GFM2: variants seen among roughly 807,000 people sequenced by gnomAD.
GFM2 encodes ribosome-releasing factor 2, mitochondrial.
GFM2 carries 72 observed loss-of-function variants against 95.4 expected under a neutral mutation model. The observed-to-expected ratio is 0.76, with a 90% CI of 0.62 to 0.92. The LOEUF is 0.92. Among genes scored for constraint, GFM2 ranks in the 40% least tolerant of loss-of-function variants. The pLI, the probability that GFM2 is intolerant of heterozygous loss-of-function variation, is 0.00. For synonymous variants in GFM2, 276 were observed against 317.5 expected, an observed-to-expected ratio of 0.87 and a Z score of 1.39; for missense variants, 825 against 924.1, an observed-to-expected ratio of 0.89 and a Z score of 1.39.
At chr5:74,725,787 T>A (rs778603093) in intron 18 of GFM2, 32 bp from the exon 19 acceptor site, 18 of 1,525,522 alleles carry the variant, frequency 1.2e-5, no homozygotes, top group Non-Finnish European at 1.6e-5. Context: ...TATCATACTC[T>A]GCTAGATGTG....
chr5:74,736,282 T>G, intron 15 of GFM2: 1 of 663,486 alleles, frequency 1.5e-6, no homozygotes, highest in Non-Finnish European at 1.9e-6. Flanking sequence ...CACTAAAGAG[T>G]TTGGGTGTGT....
intron 2 of GFM2, among the ~76,000 whole-genome samples, chr5:74,761,440 C>A (rs1744278558): frequency 6.6e-6 from 1 of 152,184 alleles, no homozygotes; most frequent in South Asian, 2.1e-4. Flanking sequence ...AGGTATCTCA[C>A]CCAGGATACA....
chr5:74,740,745 CA>C, intron 11 of GFM2, among the ~76,000 whole-genome samples: 1 of 152,148 alleles, frequency 6.6e-6, no homozygotes, highest in South Asian at 2.1e-4. Context: ...CAAAAATAAA[CA>C]GTTTCAAAAT....
chr5:74,738,743 A>G (rs540786091), intron 12 of GFM2, 101 bp from the exon 13 acceptor site: 1 of 1,030,486 alleles, frequency 9.7e-7, no homozygotes, highest in Non-Finnish European at 1.4e-6. Context: ...CTTCTAGTAG[A>G]GCTACTTAGA....
Position 74,721,229 on chromosome 5 carries a change from G to GAAATCATGTAAAATAAGATATT in GFM2, c.*404_*425dup. The GAAATCATGTAAAATAAGATATT allele has an allele frequency of 7.5e-7, 1 of 1,331,984 alleles. No homozygotes were observed. Among genetic ancestry groups the GAAATCATGTAAAATAAGATATT allele is most frequent in the South Asian group, 1.2e-5 (1 of 85,220 alleles). The allele number at this position is 1,331,984 out of a possible 1,614,324, so 82.5% of individuals were successfully genotyped here. ...TCTGTACTACAATCAACTTTATTTT[G>GAAATCATGTAAAATAAGATATT]AAATCATGTAAAATAAGATATTAGA... is the stretch of plus-strand genomic sequence containing the variant. On this transcript the variant is annotated 3_prime_UTR_variant, in exon 21 of 21. Transcript: ENST00000296805.
chr5:74,743,023 A>T (rs1049840707), intron 10 of GFM2, among the ~76,000 whole-genome samples: 1 of 152,178 alleles, frequency 6.6e-6, no homozygotes, highest in African/African-American at 2.4e-5. Flanking sequence ...TTGCACAATA[A>T]ATCTCCAGAA....
intron 1 of GFM2, among the ~76,000 whole-genome samples, chr5:74,766,701 T>A (rs1227139750): frequency 1.3e-5 from 2 of 152,362 alleles, no homozygotes; most frequent in Admixed American, 1.3e-4. Flanking sequence ...TTTTCATTCC[T>A]CAGTATCCTT....
intron 15 of GFM2, among the ~76,000 whole-genome samples, chr5:74,735,098 C>T (rs1357380516): frequency 6.6e-6 from 1 of 152,174 alleles, no homozygotes; most frequent in Non-Finnish European, 1.5e-5. Flanking sequence ...CTGATACAAC[C>T]AGCTTGGTTA....
intron 19 of GFM2, among the ~76,000 whole-genome samples, chr5:74,724,365 C>T (rs1444249144): frequency 6.6e-6 from 1 of 151,764 alleles, no homozygotes; most frequent in Non-Finnish European, 1.5e-5. Context: ...GGCATGGTGG[C>T]TTACACCTGT....
intron 10 of GFM2, chr5:74,741,874 A>G (rs1579993148): frequency 8.0e-6 from 2 of 249,878 alleles, no homozygotes; most frequent in East Asian, 7.6e-5. Flanking sequence ...AAATGCTATC[A>G]GTGTGCTCAA....
chr5:74,726,139 T>A lies in GFM2; in HGVS notation c.1727-13A>T. ...CTATCTAAGGTATCTGTAAACAAAT[T>A]GAATATGGCACCTCAGAGATTAATT... is the stretch of plus-strand genomic sequence containing the variant. On this transcript the variant is annotated splice_polypyrimidine_tract_variant and intron_variant, in intron 17 of 20. Coordinates refer to ENST00000296805, the MANE Select transcript of GFM2 (RefSeq NM_032380.5). The A allele has an allele frequency of 6.3e-7, 1 of 1,577,496 alleles. No homozygotes were observed.
rs1561253774 is a variant in GFM2 at position 74,748,914 on chromosome 5, A to AAAATAAAATAAAAT, written c.520-1135_520-1134insATTTTATTTTATTT. Among the ~76,000 whole-genome samples the AAAATAAAATAAAAT allele has an allele frequency of 6.1e-3, 676 of 111,326 alleles. 7 individuals are homozygous for AAAATAAAATAAAAT. The highest frequency in any genetic ancestry group is 0.022 in the African/African-American group (653 of 29,464). The allele number at this position is 111,326 out of a possible 152,430, so 73.0% of individuals were successfully genotyped here. A position where few individuals can be genotyped will look rare whatever the true frequency, so the allele number is the denominator to read the frequency against. ...ATAAATAAAATAAAATAAAATAAAA[A>AAAATAAAATAAAAT]AATAAAAAAAAATAAAAAAAATAAA... is the stretch of plus-strand genomic sequence containing the variant. On this transcript the variant is annotated intron_variant, in intron 7 of 20. Coordinates refer to ENST00000296805, the MANE Select transcript of GFM2 (RefSeq NM_032380.5).
At chr5:74,754,822 A>G (rs1182911296) in intron 5 of GFM2, among the ~76,000 whole-genome samples, 2 of 152,206 alleles carry the variant, frequency 1.3e-5, no homozygotes, top group African/African-American at 4.8e-5. Flanking sequence ...GTCAACAAAG[A>G]AACAATGGAC....
intron 20 of GFM2, 191 bp downstream of exon 20, chr5:74,722,188 A>AT (rs1749925120): frequency 1.7e-6 from 1 of 596,256 alleles, no homozygotes. Flanking sequence ...TTGTAGTGCT[A>AT]TAATCCCTGG....
intron 7 of GFM2, among the ~76,000 whole-genome samples, chr5:74,749,831 A>G (rs1302275924): frequency 6.6e-6 from 1 of 152,070 alleles, no homozygotes; most frequent in Non-Finnish European, 1.5e-5. Context: ...TTTGTTATTT[A>G]TGTTTCATGC....
At chr5:74,735,408 G>A (rs1327561297) in intron 15 of GFM2, among the ~76,000 whole-genome samples, 1 of 152,148 alleles carries the variant, frequency 6.6e-6, no homozygotes, top group Non-Finnish European at 1.5e-5. Context: ...TCCCTACAGG[G>A]TCCTCAGGAA....
At chr5:74,748,676 C>T (rs1743514447) in intron 7 of GFM2, among the ~76,000 whole-genome samples, 1 of 151,828 alleles carries the variant, frequency 6.6e-6, no homozygotes, top group African/African-American at 2.4e-5. Flanking sequence ...ACCAGCCTGG[C>T]CAACATGGTG....
At chr5:74,746,305 C>T in intron 8 of GFM2, 140 bp from the exon 9 acceptor site, 1 of 443,892 alleles carries the variant, frequency 2.3e-6, no homozygotes, top group Non-Finnish European at 3.9e-6. Flanking sequence ...TTAACGCTCA[C>T]TATTTAACAG....
chr5:74,732,953 C>CACAT (rs1490184475), intron 16 of GFM2, 69 bp downstream of exon 16: 1 of 808,264 alleles, frequency 1.2e-6, no homozygotes, highest in Non-Finnish European at 2.2e-6. Context: ...CACACACACA[C>CACAT]ACACACACAC....
Sources: allele counts gnomAD v4.1 joint callset (sites outside exome capture counted in the v4.1 genomes callset), GRCh38; gene constraint gnomAD v4.1.1; transcripts MANE v1.5; gene names NCBI Gene and HGNC (gene_info 2026-07-23, HGNC 2026-07-21).